Variants in MYO16 observed in about 807,000 individuals in gnomAD.
MYO16 encodes myosin XVI.
MYO16 carries 94 observed loss-of-function variants against 205.3 expected under a neutral mutation model. The observed-to-expected ratio is 0.46, with a 90% CI of 0.39 to 0.54. MYO16 has a LOEUF of 0.54. Ranked by LOEUF, MYO16 falls within the 20% of genes least tolerant of loss-of-function variation. MYO16 has a pLI of 0.00. For synonymous variants in MYO16, 988 were observed against 954.0 expected (o/e 1.04, Z -0.66); for missense variants, 2,315 against 2,387.5 (o/e 0.97, Z 0.63).
intron 16 of MYO16, among the ~76,000 whole-genome samples, chr13:108,921,986 T>C (rs1881764336): frequency 6.6e-6 from 1 of 152,154 alleles, no homozygotes. Flanking sequence ...ACTGAAATAA[T>C]AATTGTTATG....
the MYO16 span, among the ~76,000 whole-genome samples, chr13:108,581,406 T>C: frequency 6.6e-6 from 1 of 152,200 alleles, no homozygotes; most frequent in Admixed American, 6.5e-5. Flanking sequence ...ACTCTATTAC[T>C]GTCTAATTCT....
chr13:108,553,005 CTTTTTTTTTTTTTTTTTTTTTTT>C, the MYO16 span, among the ~76,000 whole-genome samples: 1 of 64,848 alleles, frequency 1.5e-5, no homozygotes. Context: ...CTTTAATACT[CTTTTTTTTTTTTTTTTTTTTTTT>C]TTTTTTTTGA....
chr13:109,125,123 T>C lies in MYO16; in HGVS notation c.3547T>C (p.Phe1183Leu). 1 of 1,614,084 alleles carries C rather than the reference T, an allele frequency of 6.2e-7. No individual in the cohort carries two copies. ...IITCQKVIRG[F>L]LARQHLLQRI... ...TCCTTCTATAAAAGTTATCAGAGGA[T>C]TTTTAGCACGCCAGCACCTGCTTCA... The change falls in exon 30 of 35, where the codon TTT (phenylalanine) becomes CTT (leucine). Residue 1183 changes from phenylalanine to leucine, a missense_variant. Coordinates refer to ENST00000457511, the MANE Select transcript of MYO16 (RefSeq NM_001198950.3). This position sits in a 1 kb window ranked among gnomAD's most constrained non-coding sequence, Gnocchi z 4.0.
At chr13:108,581,432 G>A in the MYO16 span, among the ~76,000 whole-genome samples, 7 of 151,928 alleles carry the variant, frequency 4.6e-5, no homozygotes, top group Admixed American at 2.0e-4. Context: ...AAGGATGTTC[G>A]CCAATAATTG....
chr13:109,078,733 T>G (rs954747516), intron 27 of MYO16, among the ~76,000 whole-genome samples: 1 of 152,158 alleles, frequency 6.6e-6, no homozygotes, highest in African/African-American at 2.4e-5. Context: ...CTTTTCAGCT[T>G]TGTCACTTGG....
intron 3 of MYO16, among the ~76,000 whole-genome samples, chr13:108,713,368 A>G (rs1000410365): frequency 3.7e-4 from 57 of 152,224 alleles, no homozygotes; most frequent in Non-Finnish European, 6.2e-4. Flanking sequence ...AATCTAATTT[A>G]TGATTGTCTC....
chr13:108,905,458 A>G (rs984074641), intron 15 of MYO16, among the ~76,000 whole-genome samples: 2 of 152,068 alleles, frequency 1.3e-5, no homozygotes, highest in African/African-American at 2.4e-5. Context: ...GCTGAGGGGG[A>G]TTGTGAAAAG....
chr13:109,188,540 C>A (rs1421075813), intron 34 of MYO16, among the ~76,000 whole-genome samples: 1 of 152,052 alleles, frequency 6.6e-6, no homozygotes, highest in Non-Finnish European at 1.5e-5. Flanking sequence ...TCTAGAGCGA[C>A]AGAACTAACA....
chr13:108,714,088 A>G (rs146025426), intron 3 of MYO16, among the ~76,000 whole-genome samples: 1,896 of 151,942 alleles, frequency 0.012, 29 homozygotes, highest in Middle Eastern at 0.041. Context: ...ACAGAGTCTC[A>G]CTCTGTCGCC....
intron 1 of MYO16, among the ~76,000 whole-genome samples, chr13:108,654,048 C>T (rs1342799908): frequency 6.6e-6 from 1 of 151,896 alleles, no homozygotes; most frequent in Non-Finnish European, 1.5e-5. Flanking sequence ...GTCAAGGGGA[C>T]ATGTTTTTGT....
At chr13:108,839,999 T>C (rs1361280537) in intron 9 of MYO16, among the ~76,000 whole-genome samples, 1 of 152,206 alleles carries the variant, frequency 6.6e-6, no homozygotes. Context: ...ATGTGCATTA[T>C]GTTATTAATC....
At position 108,960,298 on chromosome 13, in the gene MYO16, A is replaced by T. The variant is rs557282884; in HGVS notation, c.2038-1241A>T. Among the ~76,000 whole-genome samples the T allele has an allele frequency of 2.6e-5, 4 of 152,150 alleles. No individual in the cohort carries two copies. In the East Asian group the frequency reaches 7.7e-4, roughly 29 times the overall value. On this transcript the variant is annotated intron_variant, in intron 17 of 34. Transcript: ENST00000457511. ...TCAAAAAAAAAAAAAAAGGAAAAAA[A>T]ATAAGTTGACAAGTAGTTAAGAAAT... is the stretch of plus-strand genomic sequence containing the variant.
chr13:108,838,145 G>C (rs1188642886), intron 9 of MYO16, among the ~76,000 whole-genome samples: 1 of 152,126 alleles, frequency 6.6e-6, no homozygotes, highest in Non-Finnish European at 1.5e-5. Flanking sequence ...AGTAGCACCT[G>C]CTGTGTGTCC....
chr13:108,967,437 C>T (rs990048305), intron 20 of MYO16, among the ~76,000 whole-genome samples: 11 of 152,150 alleles, frequency 7.2e-5, no homozygotes, highest in African/African-American at 1.7e-4. Flanking sequence ...GAGGTTGATG[C>T]GATTAATTAA....
At chr13:108,521,933 A>G in the MYO16 span, among the ~76,000 whole-genome samples, 2 of 152,230 alleles carry the variant, frequency 1.3e-5, no homozygotes, top group African/African-American at 4.8e-5. Flanking sequence ...GAATTTATCT[A>G]AACATTGGTT....
In MYO16 at chr13:108,604,723, A is replaced by T. The variant is rs147092301; in HGVS notation, c.-39+8484A>T. ...ATTTTGATGAATATTCCTTTAGCTG[A>T]TATTTATTTTACGGAAGGGTTTTAA... On this transcript the variant is annotated intron_variant, in intron 1 of 24. Coordinates refer to the MYO16 transcript ENST00000251041. Among the ~76,000 whole-genome samples the T allele has an allele frequency of 3.9e-5, 6 of 152,286 alleles. No individual in the cohort carries two copies. The East Asian group carries it at 1.2e-3, about 29-fold the overall frequency.
At chr13:108,690,238 T>C (rs1276694968) in intron 2 of MYO16, among the ~76,000 whole-genome samples, 1 of 151,846 alleles carries the variant, frequency 6.6e-6, no homozygotes, top group Non-Finnish European at 1.5e-5. Context: ...TGAACAGCCA[T>C]CCTTTATTCT....
the MYO16 span, among the ~76,000 whole-genome samples, chr13:108,582,772 G>A: frequency 6.6e-6 from 1 of 152,116 alleles, no homozygotes; most frequent in Non-Finnish European, 1.5e-5. Context: ...ACAAAACGAA[G>A]GCAAACTATT....
chr13:108,583,797 A>C, the MYO16 span, among the ~76,000 whole-genome samples: 1 of 152,342 alleles, frequency 6.6e-6, no homozygotes, highest in East Asian at 1.9e-4. Context: ...AATTAAATCC[A>C]CCTTCAATAT....
Sources: allele counts gnomAD v4.1 joint callset (sites outside exome capture counted in the v4.1 genomes callset), GRCh38; gene constraint gnomAD v4.1.1; non-coding constraint Gnocchi (gnomAD v3.1); transcripts MANE v1.5; gene names NCBI Gene and HGNC (gene_info 2026-07-23, HGNC 2026-07-21).